Variants in UCMA observed in about 807,000 individuals in gnomAD.
UCMA encodes upper zone of growth plate and cartilage matrix-associated protein.
A neutral mutation model predicts 21.8 loss-of-function variants in UCMA; 21 were observed. The ratio of observed to expected loss-of-function variants is 0.97; its 90% CI spans 0.68 to 1.39. The LOEUF is 1.39. UCMA is among the 40% of genes most tolerant of loss of function. The pLI, the probability that UCMA is intolerant of heterozygous loss-of-function variation, is 0.00. For missense variants in UCMA, 193 were observed against 178.9 expected (o/e 1.08, Z -0.45); for synonymous variants, 76 against 67.9 (o/e 1.12, Z -0.58).
intron 1 of UCMA, 138 bp from the exon 2 acceptor site, chr10:13,233,938 G>T: frequency 1.8e-6 from 2 of 1,107,378 alleles, no homozygotes; most frequent in Non-Finnish European, 2.5e-6. Context: ...CGTACCAGCT[G>T]CAGAGCCAAT....
chr10:13,228,832 GC>G (rs1564403161), intron 4 of UCMA, among the ~76,000 whole-genome samples: 2 of 126,052 alleles, frequency 1.6e-5, no homozygotes, highest in Admixed American at 8.4e-5. Flanking sequence ...GCAAACAGTT[GC>G]CCCATCCCCA....
intron 3 of UCMA, among the ~76,000 whole-genome samples, chr10:13,231,382 CAG>C (rs1171856249): frequency 2.0e-5 from 3 of 152,162 alleles, no homozygotes; most frequent in Non-Finnish European, 4.4e-5. Context: ...CATGACCTAA[CAG>C]AGGTCACACA....
chr10:13,224,631 AC>A (rs1834800825), intron 4 of UCMA, among the ~76,000 whole-genome samples: 2 of 152,162 alleles, frequency 1.3e-5, no homozygotes, highest in African/African-American at 2.4e-5. Flanking sequence ...TGATTTTGGT[AC>A]TAGCGAAAGT....
chr10:13,229,585 G>T, intron 4 of UCMA, 26 bp downstream of exon 4: 1 of 1,601,848 alleles, frequency 6.2e-7, no homozygotes, highest in South Asian at 1.1e-5. Flanking sequence ...CCACCTCCCT[G>T]AAGACACTGG....
At chr10:13,228,428 A>G (rs1050348146) in intron 4 of UCMA, among the ~76,000 whole-genome samples, 2 of 152,204 alleles carry the variant, frequency 1.3e-5, no homozygotes, top group African/African-American at 4.8e-5. Flanking sequence ...TAAAGCCACA[A>G]GAAAACCATA....
intron 4 of UCMA, among the ~76,000 whole-genome samples, chr10:13,228,355 T>C (rs1834851817): frequency 6.6e-6 from 1 of 152,056 alleles, no homozygotes. Flanking sequence ...TTTCCTACTC[T>C]CTATTTTTTG....
Position 13,222,013 on chromosome 10 carries a change from A to G in UCMA, c.*90T>C. 1.4e-6 allele frequency: 2 copies of G among 1,412,408 alleles called. No homozygotes were observed. Among genetic ancestry groups the G allele is most frequent in the Non-Finnish European group, 2.0e-6 (2 of 1,006,600 alleles). 87.5% of individuals were successfully genotyped at this position (1,412,408 alleles called of 1,614,324 possible). On this transcript the variant is annotated 3_prime_UTR_variant, in exon 5 of 5. Coordinates refer to ENST00000378681, the MANE Select transcript of UCMA (RefSeq NM_145314.3). ...GCAGACCCCAAGCTGAGACCCTCTG[A>G]AGGGCCGGTTTGCATGGGAAAGATT...
chr10:13,232,739 G>T (rs1379483017), intron 3 of UCMA, among the ~76,000 whole-genome samples: 1 of 152,100 alleles, frequency 6.6e-6, no homozygotes, highest in African/African-American at 2.4e-5. Flanking sequence ...CCACAGGCAC[G>T]AGGAGGAAAG....
intron 4 of UCMA, 124 bp from the exon 5 acceptor site, chr10:13,222,324 G>T: frequency 1.2e-6 from 1 of 811,944 alleles, no homozygotes; most frequent in South Asian, 1.7e-5. Flanking sequence ...GTGAGCCCTG[G>T]TGAGAGAAGG....
rs1338090892 is a variant in UCMA at position 13,221,857 on chromosome 10, G to A, written c.*246C>T. 2 of 512,902 alleles carry A rather than the reference G, an allele frequency of 3.9e-6. No individual in the cohort carries two copies. Among genetic ancestry groups the A allele is most frequent in the Non-Finnish European group, 3.5e-6 (1 of 288,492 alleles). 31.8% of individuals were successfully genotyped at this position (512,902 alleles called of 1,614,324 possible). The stretch of plus-strand genomic sequence containing the variant: ...GGGAACGAAGCCAGGGGAAGCCACT[G>A]TAGGTTTGGTACTAGGAGGCCCTGC... On this transcript the variant is annotated 3_prime_UTR_variant, in exon 5 of 5. Transcript: ENST00000378681.
Position 13,229,620 on chromosome 10 carries a change from G to A in UCMA, c.310C>T (p.Gln104Ter), listed in dbSNP as rs981630300. 1 of 1,613,416 alleles carries A rather than the reference G, an allele frequency of 6.2e-7. No homozygotes were observed. Among genetic ancestry groups the A allele is most frequent in the African/African-American group, 1.3e-5 (1 of 74,844 alleles). Reference sequence around the variant, plus strand: ...GCTGAAGAGCTCTTACCATCGTTTTGTTCCTCCACGAAGTTCTCAAATTCA... The same window carrying A: ...GCTGAAGAGCTCTTACCATCGTTTTATTCCTCCACGAAGTTCTCAAATTCA... The part of the protein sequence containing the change: ...RNEFENFVEE[Q>*]NDEQEERSRE... Residue 104 changes from glutamine to a stop codon, truncating the protein, a stop_gained, in exon 4 of 5, where the codon CAA becomes TAA. Transcript: ENST00000378681. LOFTEE classifies it high-confidence loss of function.
chr10:13,234,142 A>G, intron 1 of UCMA, 59 bp downstream of exon 1: 5 of 1,516,216 alleles, frequency 3.3e-6, no homozygotes, highest in Non-Finnish European at 4.5e-6. Flanking sequence ...TTACCTGTGC[A>G]TGGTAAGTCT....
At chr10:13,229,406 T>C (rs541160869) in intron 4 of UCMA, among the ~76,000 whole-genome samples, 1 of 151,930 alleles carries the variant, frequency 6.6e-6, no homozygotes, top group South Asian at 2.1e-4. Context: ...CTCTGGAGGT[T>C]GAGGCAGGAG....
At chr10:13,231,202 T>G (rs1834895483) in intron 3 of UCMA, among the ~76,000 whole-genome samples, 1 of 152,206 alleles carries the variant, frequency 6.6e-6, no homozygotes, top group South Asian at 2.1e-4. Flanking sequence ...CTGGGCTTAG[T>G]GCAGATTCCA....
intron 3 of UCMA, among the ~76,000 whole-genome samples, chr10:13,231,366 G>A (rs1588491290): frequency 6.6e-6 from 1 of 152,146 alleles, no homozygotes; most frequent in East Asian, 1.9e-4. Flanking sequence ...CAGGCTCAGA[G>A]ATGTGCATGA....
Position 13,229,626 on chromosome 10 carries a change from C to A in UCMA, c.304G>T (p.Glu102Ter). The change falls in exon 4 of 5, where the codon GAG (glutamate) becomes TAG (stop). Residue 102 changes from glutamate to a stop codon, truncating the protein, a stop_gained. Coordinates refer to ENST00000378681, the MANE Select transcript of UCMA (RefSeq NM_145314.3). LOFTEE classifies it high-confidence loss of function. ...EQRNEFENFV[E>*]EQNDEQEERS... ...GAGCTCTTACCATCGTTTTGTTCCT[C>A]CACGAAGTTCTCAAATTCATTCCTT... 1 of 1,614,070 alleles carries A rather than the reference C, an allele frequency of 6.2e-7. No homozygotes were observed. The highest frequency in any genetic ancestry group is 8.5e-7 in the Non-Finnish European group (1 of 1,179,976).
At position 13,234,306 on chromosome 10, in the gene UCMA, C is replaced by A. The variant is rs759099277; in HGVS notation, c.-48G>T. On this transcript the variant is annotated 5_prime_UTR_variant, in exon 1 of 5. Coordinates refer to ENST00000378681, the MANE Select transcript of UCMA (RefSeq NM_145314.3). ...TCCAGGACCCACAAGGCAGACCAGGCGTCCTGCACCCTTTGGGTCCCCACT... is the reference window on the plus strand; with the variant it reads ...TCCAGGACCCACAAGGCAGACCAGGAGTCCTGCACCCTTTGGGTCCCCACT... The A allele has an allele frequency of 1.9e-6, 3 of 1,595,636 alleles. No homozygotes were observed. The highest frequency in any genetic ancestry group is 8.5e-7 in the Non-Finnish European group (1 of 1,170,866).
At position 13,224,405 on chromosome 10, in the gene UCMA, GAGAA is replaced by G. The variant is rs1834798214; in HGVS notation, c.320-2209_320-2206del. Among the ~76,000 whole-genome samples, 3 of 151,776 alleles carry G rather than the reference GAGAA, an allele frequency of 2.0e-5. No homozygotes were observed. In the South Asian group the frequency reaches 6.3e-4, roughly 32 times the overall value. ...AAGAGAAGAAAGAAAGAGAAAAAAA[GAGAA>G]AGAAAAAGAAAGGAAAAGGAAGAAA... On this transcript the variant is annotated intron_variant, in intron 4 of 4. Coordinates refer to ENST00000378681, the MANE Select transcript of UCMA (RefSeq NM_145314.3).
In UCMA at chr10:13,223,060, A is replaced by G. The variant is rs1044202852; in HGVS notation, c.320-860T>C. ...GCCAACATGGTGAAACCCTGTCTCT[A>G]CTAAAAAATACAAAAATTAGCCAGG... On this transcript the variant is annotated intron_variant, in intron 4 of 4. Transcript: ENST00000378681. Among the ~76,000 whole-genome samples, 3 of 151,880 alleles carry G rather than the reference A, an allele frequency of 2.0e-5. No homozygotes were observed. In the South Asian group the frequency reaches 6.2e-4, roughly 32 times the overall value.
Sources: allele counts gnomAD v4.1 joint callset (sites outside exome capture counted in the v4.1 genomes callset), GRCh38; gene constraint gnomAD v4.1.1; transcripts MANE v1.5; gene names NCBI Gene and HGNC (gene_info 2026-07-23, HGNC 2026-07-21).